Variants in ATP7B observed in about 807,000 individuals in gnomAD.
ATP7B encodes the protein ATPase copper transporting beta.
Under a neutral mutation model 118.9 loss-of-function variants are expected in ATP7B, and 113 were observed. The ratio of observed to expected loss-of-function variants is 0.95; its 90% CI spans 0.82 to 1.11. The LOEUF is 1.11. Among genes scored for constraint, ATP7B ranks in the 50% most tolerant of loss-of-function variants. ATP7B has a pLI of 0.00. For missense variants in ATP7B, 1,867 were observed against 1,871.4 expected, an observed-to-expected ratio of 1.00 and a Z score of 0.04; for synonymous variants, 777 against 727.4, an observed-to-expected ratio of 1.07 and a Z score of -1.10.
chr13:51,960,401 C>T, intron 6 of ATP7B, 79 bp from the exon 7 acceptor site: 2 of 1,540,780 alleles, frequency 1.3e-6, no homozygotes, highest in Non-Finnish European at 1.8e-6. Context: ...CTTCTGAGGA[C>T]ACAGTTTAAG....
chr13:51,953,300 G>A (rs979278105), intron 9 of ATP7B, among the ~76,000 whole-genome samples: 2 of 152,180 alleles, frequency 1.3e-5, no homozygotes, highest in African/African-American at 4.8e-5. Flanking sequence ...AAGTCGGGAG[G>A]AGGAGCTCCC....
intron 2 of ATP7B, among the ~76,000 whole-genome samples, chr13:51,971,002 T>A (rs182167184): frequency 6.6e-6 from 1 of 152,320 alleles, no homozygotes; most frequent in Admixed American, 6.5e-5. Context: ...TAAATAGTTC[T>A]CTATATTAAA....
At chr13:52,004,390 T>C (rs971230051) in intron 1 of ATP7B, among the ~76,000 whole-genome samples, 7 of 152,370 alleles carry the variant, frequency 4.6e-5, no homozygotes, top group Admixed American at 3.9e-4. Context: ...AGTTGCATCC[T>C]AACTTGTGTT....
chr13:51,962,242 C>T (rs1269496256), intron 5 of ATP7B, among the ~76,000 whole-genome samples: 1 of 152,152 alleles, frequency 6.6e-6, no homozygotes, highest in Non-Finnish European at 1.5e-5. Context: ...AACAGAAGGT[C>T]GGAGAGGATA....
At position 51,937,527 on chromosome 13, in the gene ATP7B, A is replaced by G. The variant is rs757139219; in HGVS notation, c.3852T>C (p.Ile1284=). 9.9e-6 allele frequency: 16 copies of G among 1,614,062 alleles called. No homozygotes were observed. The highest frequency in any genetic ancestry group is 1.3e-5 in the Non-Finnish European group (15 of 1,180,024). ...CGATGGCCACATCCGTGCCGGTGCC[A>G]ATGGCCACACCCATGTCTGCCTGGG... ...ALAQADMGVA[I]GTGTDVAIEA... Residue 1284 remains isoleucine, a synonymous_variant, in exon 18 of 21, where the codon ATT becomes ATC. Transcript: ENST00000242839.
intron 13 of ATP7B, among the ~76,000 whole-genome samples, chr13:51,945,079 C>CTTCT (rs2138991649): frequency 1.3e-5 from 2 of 152,020 alleles, no homozygotes; most frequent in Non-Finnish European, 2.9e-5. Flanking sequence ...GAGCGGTGGC[C>CTTCT]TTCCTTCCTT....
In ATP7B at chr13:51,946,449, C is replaced by T; in HGVS notation, c.2895G>A (p.Glu965=). Residue 965 remains glutamate (E), a synonymous_variant, in exon 13 of 21, where the codon GAG becomes GAA. Coordinates refer to ENST00000242839, the MANE Select transcript of ATP7B (RefSeq NM_000053.4). ...PNPNKHISQT[E]VIIRFAFQTS... is the part of the protein sequence containing the mutation. ...TCTGGAAAGCAAACCGGATGATCAC[C>T]TCTGTCTGGGAGATGTGCTTGTTGG... The T allele has an allele frequency of 6.2e-7, 1 of 1,614,218 alleles. No individual in the cohort carries two copies. The highest frequency in any genetic ancestry group is 8.5e-7 in the Non-Finnish European group (1 of 1,180,046).
At chr13:51,996,834 C>G (rs1953235370) in intron 1 of ATP7B, among the ~76,000 whole-genome samples, 1 of 152,250 alleles carries the variant, frequency 6.6e-6, no homozygotes, top group Non-Finnish European at 1.5e-5. Context: ...TTCTAAAGCA[C>G]ACGCTGAGCA....
In ATP7B at chr13:51,974,088, C is replaced by CA. The variant is rs1370205096; in HGVS notation, c.1131dup (p.Glu378Ter). The CA allele has an allele frequency of 1.9e-6, 3 of 1,614,062 alleles. No individual in the cohort carries two copies. The South Asian group carries it at 3.3e-5, about 18-fold the overall frequency. The stretch of plus-strand genomic sequence containing the variant: ...CCTTCCAGTTGGGAGATCATGCCTT[C>CA]AATGGAATGGACACAGGATGCACAG... On this transcript the variant is annotated frameshift_variant, in exon 2 of 21. Transcript: ENST00000242839. LOFTEE classifies it high-confidence loss of function.
chr13:51,979,363 C>G (rs1446230893), intron 1 of ATP7B, among the ~76,000 whole-genome samples: 2 of 152,254 alleles, frequency 1.3e-5, no homozygotes, highest in Non-Finnish European at 2.9e-5. Context: ...AGTGCAAAAG[C>G]TAGTACAGAA....
chr13:51,947,342 T>A (rs1263576125), intron 12 of ATP7B, among the ~76,000 whole-genome samples: 1 of 152,250 alleles, frequency 6.6e-6, no homozygotes, highest in African/African-American at 2.4e-5. Context: ...TTCTTCTCTG[T>A]ATTTTTCACT....
chr13:51,962,780 CAAGT>C (rs1958834825), intron 5 of ATP7B, among the ~76,000 whole-genome samples: 1 of 152,054 alleles, frequency 6.6e-6, no homozygotes, highest in Non-Finnish European at 1.5e-5. Context: ...AGCATAGAAG[CAAGT>C]GAGGTATCAG....
At chr13:51,946,632 T>C (rs980434712) in intron 12 of ATP7B, 154 bp from the exon 13 acceptor site, 11 of 825,614 alleles carry the variant, frequency 1.3e-5, no homozygotes, top group Non-Finnish European at 2.0e-5. Context: ...TCTGCCATCA[T>C]AGAGAACACG....
intron 4 of ATP7B, among the ~76,000 whole-genome samples, chr13:51,966,136 CAAT>C (rs1261301364): frequency 6.6e-6 from 1 of 152,200 alleles, no homozygotes; most frequent in Non-Finnish European, 1.5e-5. Flanking sequence ...ATAACAACAA[CAAT>C]AACAGGTAGC....
chr13:51,995,023 A>G lies in ATP7B; in HGVS notation c.51+16264T>C, dbSNP rs552049818. ...CAAAATAAGGTATACACTATAAAAC[A>G]TATTAGTAAAAAGAAGGAAGGATTC... On this transcript the variant is annotated intron_variant, in intron 1 of 20. Coordinates refer to ENST00000242839, the MANE Select transcript of ATP7B (RefSeq NM_000053.4). Among the ~76,000 whole-genome samples, 6 of 152,368 alleles carry G rather than the reference A, an allele frequency of 3.9e-5. No individual in the cohort carries two copies. The East Asian group carries it at 7.7e-4, about 20-fold the overall frequency.
intron 7 of ATP7B, chr13:51,959,508 C>CAA (rs1164449623): frequency 0.023 from 1,326 of 58,182 alleles, 30 homozygotes; most frequent in Admixed American, 0.12. Flanking sequence ...GACCCTGTCT[C>CAA]AAAAAAAAAA....
chr13:52,010,305 G>A (rs912858465), intron 1 of ATP7B, among the ~76,000 whole-genome samples: 1 of 152,160 alleles, frequency 6.6e-6, no homozygotes, highest in Admixed American at 6.5e-5. Context: ...ACCCAGCAAC[G>A]TCAGTGAATT....
chr13:51,970,930 G>A (rs1951812280), intron 2 of ATP7B, among the ~76,000 whole-genome samples, 181 bp from the exon 3 acceptor site: 1 of 151,572 alleles, frequency 6.6e-6, no homozygotes, highest in South Asian at 2.1e-4. Flanking sequence ...GCTCCCTGCT[G>A]TTGTTAATCT....
rs1956812636 is a variant in ATP7B, at chr13:51,933,714, C to G, written c.*1042G>C. On this transcript the variant is annotated 3_prime_UTR_variant, in exon 21 of 21. Transcript: ENST00000242839. ...ACCATTTCCTCCAAGCCACACAAGGCCAGGCGCTAGTCACATGAATTCTCT... is the reference window on the plus strand; with the variant it reads ...ACCATTTCCTCCAAGCCACACAAGGGCAGGCGCTAGTCACATGAATTCTCT... The G allele has an allele frequency of 1.3e-5, 2 of 152,250 alleles. No homozygotes were observed. The highest frequency in any genetic ancestry group is 1.3e-4 in the Admixed American group (2 of 15,274). The allele number at this position is 152,250 out of a possible 1,614,324, so 9.4% of individuals were successfully genotyped here. A position where few individuals can be genotyped will look rare whatever the true frequency, so the allele number is the denominator to read the frequency against.
Sources: allele counts gnomAD v4.1 joint callset (sites outside exome capture counted in the v4.1 genomes callset), GRCh38; gene constraint gnomAD v4.1.1; transcripts MANE v1.5; gene names NCBI Gene and HGNC (gene_info 2026-07-23, HGNC 2026-07-21).